The following FBXO41 variants were observed in gnomAD, a reference collection of about 807,000 sequenced individuals.
The protein encoded by FBXO41 is F-box only protein 41.
Under a neutral mutation model 81.6 loss-of-function variants are expected in FBXO41, and 33 were observed. The ratio of observed to expected loss-of-function variants is 0.40; its 90% CI spans 0.31 to 0.54. The LOEUF is 0.54. Among genes scored for constraint, FBXO41 ranks in the 20% least tolerant of loss-of-function variants. The pLI, the probability that FBXO41 is intolerant of heterozygous loss-of-function variation, is 0.39. For synonymous variants in FBXO41, 576 were observed against 552.7 expected (o/e 1.04, Z -0.59); for missense variants, 1,107 against 1,236.0 (o/e 0.90, Z 1.56).
chr2:73,266,638 C>T lies in FBXO41; in HGVS notation c.950G>A (p.Arg317Gln), dbSNP rs764397181. 2.2e-5 allele frequency: 35 copies of T among 1,605,364 alleles called. No individual in the cohort carries two copies. The highest frequency in any genetic ancestry group is 2.9e-5 in the Non-Finnish European group (34 of 1,176,448). Residue 317 changes from arginine to glutamine, a missense_variant, in exon 3 of 13, where the codon CGG becomes CAG. This residue lies in a region of FBXO41 where 771 missense variants were observed against 789.2 expected (regional missense o/e 0.98). Transcript: ENST00000520530. This position sits in a 1 kb window ranked among gnomAD's most constrained non-coding sequence, Gnocchi z 5.3. Reference sequence around the variant, plus strand: ...CAGCCGCAGCTTGGCGCTGGCCTCCCGCGCCGCCGTCTCCTTCAGGAACTG... The same window carrying T: ...CAGCCGCAGCTTGGCGCTGGCCTCCTGCGCCGCCGTCTCCTTCAGGAACTG... The part of the protein sequence containing the change: ...IDQFLKETAA[R>Q]EASAKLRLQQ...
chr2:73,268,842 C>T lies in FBXO41; in HGVS notation c.789G>A (p.Glu263=), dbSNP rs981115149. ...QESARLGREK[E]ELEERASELS... ...GCTCAGACGCGCGCTCCTCCAGCTC[C>T]TCCTTCTCGCGCCCGAGCCTCGCAC... is the stretch of plus-strand genomic sequence containing the variant. The change falls in exon 2 of 13, where the codon GAG becomes GAA. Residue 263 remains glutamate, a synonymous_variant. Coordinates refer to ENST00000520530, the MANE Select transcript of FBXO41 (RefSeq NM_001371389.2). The T allele has an allele frequency of 3.2e-6, 5 of 1,574,082 alleles. No homozygotes were observed. The African/African-American group carries it at 6.8e-5, about 21-fold the overall frequency.
chr2:73,279,906 A>C (rs1169699376), intron 1 of FBXO41, among the ~76,000 whole-genome samples: 1 of 152,184 alleles, frequency 6.6e-6, no homozygotes, highest in Non-Finnish European at 1.5e-5. Context: ...ATGTATAACA[A>C]TTCTTTTTTA....
chr2:73,263,901 C>A (rs764106256), intron 7 of FBXO41, 37 bp downstream of exon 7: 3 of 1,613,578 alleles, frequency 1.9e-6, no homozygotes, highest in South Asian at 1.1e-5. Context: ...GGTCTGTGGC[C>A]CAACAGCACC....
intron 1 of FBXO41, chr2:73,271,636 ACTT>A (rs1688499806): frequency 1.0e-5 from 1 of 96,798 alleles, no homozygotes; most frequent in Non-Finnish European, 2.1e-5. Context: ...CCCCCCCCCA[ACTT>A]CTTTTTTTTG....
chr2:73,265,990 T>C, intron 3 of FBXO41, 24 bp from the exon 4 acceptor site: 1 of 1,554,420 alleles, frequency 6.4e-7, no homozygotes, highest in Non-Finnish European at 8.7e-7. Context: ...GAGCAGGAGG[T>C]AAAGGAGAGG....
In FBXO41 at chr2:73,259,435, C is replaced by G; in HGVS notation, c.2450-139G>C. The G allele has an allele frequency of 1.4e-6, 1 of 717,056 alleles. No individual in the cohort carries two copies. Among genetic ancestry groups the G allele is most frequent in the Non-Finnish European group, 2.4e-6 (1 of 420,478 alleles). 44.4% of individuals were successfully genotyped at this position (717,056 alleles called of 1,614,324 possible). A position where few individuals can be genotyped will look rare whatever the true frequency, so the allele number is the denominator to read the frequency against. ...ACAGAGGAGAGCAGACTCATGCCACCTGGGGGCTGGCGACCGGATGCGGGG... is the reference window on the plus strand; with the variant it reads ...ACAGAGGAGAGCAGACTCATGCCACGTGGGGGCTGGCGACCGGATGCGGGG... On this transcript the variant is annotated intron_variant, in intron 11 of 12. Transcript: ENST00000520530. This position sits in a 1 kb window ranked among gnomAD's most constrained non-coding sequence, Gnocchi z 4.2.
At position 73,266,610 on chromosome 2, in the gene FBXO41, C is replaced by T; in HGVS notation, c.978G>A (p.Gln326=). The change falls in exon 3 of 13, where the codon CAG becomes CAA. Residue 326 remains glutamine, a synonymous_variant. Coordinates refer to ENST00000520530, the MANE Select transcript of FBXO41 (RefSeq NM_001371389.2). The surrounding 1 kb of genome is among the most constrained non-coding windows in gnomAD (Gnocchi z 5.3). ...GCTCAAGGAGCTCCTCAATGAACTG[C>T]TGCAGCCGCAGCTTGGCGCTGGCCT... The part of the protein sequence containing the change: ...AREASAKLRL[Q]QFIEELLERA... 1 of 1,610,690 alleles carries T rather than the reference C, an allele frequency of 6.2e-7. No homozygotes were observed. Among genetic ancestry groups the T allele is most frequent in the Non-Finnish European group, 8.5e-7 (1 of 1,178,712 alleles).
chr2:73,269,462 C>T lies in FBXO41; in HGVS notation c.169G>A (p.Ala57Thr). ...GGGAACCCCGAGGCAGCGGCGGCGG[C>T]GGCCGCGGCGGCGGCGGCGCCGTCG... ...ICDGAAAAAA[A>T]AAAASGFPLA... Residue 57 changes from alanine (A) to threonine (T), a missense_variant, in exon 2 of 13, where the codon GCC becomes ACC. Physicochemically the swap from Ala to Thr is moderately conservative, Grantham distance 58 (BLOSUM62 0). Coordinates refer to ENST00000520530, the MANE Select transcript of FBXO41 (RefSeq NM_001371389.2). This position sits in a 1 kb window ranked among gnomAD's most constrained non-coding sequence, Gnocchi z 7.0. 4 of 1,257,010 alleles carry T rather than the reference C, an allele frequency of 3.2e-6. No homozygotes were observed. Among genetic ancestry groups the T allele is most frequent in the South Asian group, 2.4e-5 (1 of 41,320 alleles). 77.9% of individuals were successfully genotyped at this position (1,257,010 alleles called of 1,614,324 possible).
chr2:73,269,596 C>CG lies in FBXO41; in HGVS notation c.34dup (p.Arg12ProfsTer115). Reference sequence around the variant, plus strand: ...CCGGAAGCGCTTGTGCTCCCCGCAGCGGGGGCAGCGGTACGGCAGGTCCAG... The same window carrying CG: ...CCGGAAGCGCTTGTGCTCCCCGCAGCGGGGGGCAGCGGTACGGCAGGTCCAG... On this transcript the variant is annotated frameshift_variant, in exon 2 of 13. Transcript: ENST00000520530. LOFTEE classifies it high-confidence loss of function. This position sits in a 1 kb window ranked among gnomAD's most constrained non-coding sequence, Gnocchi z 7.0. The CG allele has an allele frequency of 7.6e-7, 1 of 1,311,620 alleles. No individual in the cohort carries two copies. The highest frequency in any genetic ancestry group is 9.8e-7 in the Non-Finnish European group (1 of 1,020,528). 81.2% of individuals were successfully genotyped at this position (1,311,620 alleles called of 1,614,324 possible).
chr2:73,262,277 T>TCAGGGCAACATG (rs1688045696), intron 9 of FBXO41, among the ~76,000 whole-genome samples: 1 of 148,024 alleles, frequency 6.8e-6, no homozygotes, highest in Non-Finnish European at 1.5e-5. Context: ...GACAGAGGGG[T>TCAGGGCAACATG]CAGGGCAACA....
Position 73,269,632 on chromosome 2 carries a change from G to A in FBXO41, c.-2C>T. 8.3e-7 allele frequency: 1 copy of A among 1,201,064 alleles called. No homozygotes were observed. Among genetic ancestry groups the A allele is most frequent in the Non-Finnish European group, 1.0e-6 (1 of 967,116 alleles). 74.4% of individuals were successfully genotyped at this position (1,201,064 alleles called of 1,614,324 possible). Reference sequence around the variant, plus strand: ...GTACGGCAGGTCCAGCGAGGCCATGGCCCCGCCGCCCCCGCGGCACGCGGG... The same window carrying A: ...GTACGGCAGGTCCAGCGAGGCCATGACCCCGCCGCCCCCGCGGCACGCGGG... On this transcript the variant is annotated 5_prime_UTR_variant, in exon 2 of 13. Transcript: ENST00000520530. The surrounding 1 kb of genome is among the most constrained non-coding windows in gnomAD (Gnocchi z 7.0).
rs1002330761 is a variant in FBXO41 at position 73,257,751 on chromosome 2, T to C, written c.*1231A>G. The C allele has an allele frequency of 2.0e-5, 3 of 152,210 alleles. No homozygotes were observed. The highest frequency in any genetic ancestry group is 7.2e-5 in the African/African-American group (3 of 41,430). 9.4% of individuals were successfully genotyped at this position (152,210 alleles called of 1,614,324 possible). On this transcript the variant is annotated 3_prime_UTR_variant, in exon 13 of 13. Coordinates refer to ENST00000520530, the MANE Select transcript of FBXO41 (RefSeq NM_001371389.2). The surrounding 1 kb of genome is among the most constrained non-coding windows in gnomAD (Gnocchi z 4.6). ...GGGGACTGCAAAGGCCAGTGAAAAG[T>C]GAATCCTGTGGCTTCTAAGCCAAGT...
intron 9 of FBXO41, among the ~76,000 whole-genome samples, chr2:73,262,480 C>G (rs1046672636): frequency 6.6e-6 from 1 of 152,238 alleles, no homozygotes; most frequent in African/African-American, 2.4e-5. Flanking sequence ...ATGACCAGCT[C>G]TTTCATACAC....
At chr2:73,273,592 G>A (rs746802473) in intron 1 of FBXO41, among the ~76,000 whole-genome samples, 1 of 152,150 alleles carries the variant, frequency 6.6e-6, no homozygotes, top group Admixed American at 6.5e-5. Context: ...AGTCTGGGCC[G>A]ATACAGTCAC....
At position 73,254,952 on chromosome 2, in the gene FBXO41, G is replaced by C. The variant is rs1687752760; in HGVS notation, c.*4030C>G. ...CTCTCCACCCCTCTGCCTGTGCTTG[G>C]GGCTGGGGAAGCTACCCTCTCACTC... On this transcript the variant is annotated 3_prime_UTR_variant, in exon 13 of 13. Transcript: ENST00000520530. 1.3e-5 allele frequency: 2 copies of C among 152,696 alleles called. No individual in the cohort carries two copies. The highest frequency in any genetic ancestry group is 2.9e-5 in the Non-Finnish European group (2 of 68,054). 9.5% of individuals were successfully genotyped at this position (152,696 alleles called of 1,614,324 possible).
intron 9 of FBXO41, among the ~76,000 whole-genome samples, chr2:73,262,132 A>T (rs1387471434): frequency 1.3e-5 from 2 of 152,172 alleles, no homozygotes; most frequent in Non-Finnish European, 2.9e-5. Flanking sequence ...CTGAGGTAGG[A>T]GGATCGCCTG....
At chr2:73,279,393 A>G (rs114373966) in intron 1 of FBXO41, among the ~76,000 whole-genome samples, 501 of 152,302 alleles carry the variant, frequency 3.3e-3, no homozygotes, top group African/African-American at 0.011. Flanking sequence ...ACTTAAGGGT[A>G]AAAAGGAAAG....
In FBXO41 at chr2:73,265,972, G is replaced by T; in HGVS notation, c.1132-6C>A. The T allele has an allele frequency of 6.4e-7, 1 of 1,567,794 alleles. No homozygotes were observed. Among genetic ancestry groups the T allele is most frequent in the Non-Finnish European group, 8.7e-7 (1 of 1,155,360 alleles). ...GGGCCCACGTGGTGTTCTCGCTGTG[G>T]GCCCCCAGAGCAGGAGGTAAAGGAG... On this transcript the variant is annotated splice_region_variant and splice_polypyrimidine_tract_variant and intron_variant, in intron 3 of 12. Transcript: ENST00000520530.
At chr2:73,268,577 T>G in intron 2 of FBXO41, 149 bp downstream of exon 2, 1 of 727,648 alleles carries the variant, frequency 1.4e-6, no homozygotes, top group Non-Finnish European at 2.2e-6. Context: ...CATGACACTC[T>G]TGGCCCCACA....
Sources: gnomAD v4.1 joint callset for allele counts (sites outside exome capture counted in the v4.1 genomes callset) on GRCh38, gnomAD v4.1.1 for gene constraint, gnomAD v4.1.1 regional missense constraint, Gnocchi (gnomAD v3.1) non-coding constraint, MANE v1.5 for transcripts, NCBI Gene and HGNC (gene_info 2026-07-23, HGNC 2026-07-21) for gene names.